Variants in LRRTM4 observed in about 807,000 individuals in gnomAD.
LRRTM4 encodes the protein leucine rich repeat transmembrane neuronal 4.
Under a neutral mutation model 47.6 loss-of-function variants are expected in LRRTM4, and 25 were observed. That is an observed-to-expected ratio of 0.53 (90% CI 0.38 to 0.73). LRRTM4 has a LOEUF of 0.73. Among genes scored for constraint, LRRTM4 ranks in the 30% least tolerant of loss-of-function variants. The pLI, the probability that LRRTM4 is intolerant of heterozygous loss-of-function variation, is 0.00. For synonymous variants in LRRTM4, 311 were observed against 269.5 expected (o/e 1.15, Z -1.51); for missense variants, 638 against 713.4 (o/e 0.89, Z 1.20).
chr2:76,808,685 A>T, intron 3 of LRRTM4, among the ~76,000 whole-genome samples: 1 of 152,152 alleles, frequency 6.6e-6, no homozygotes, highest in Non-Finnish European at 1.5e-5. Flanking sequence ...AATTCCTAGA[A>T]CTGGTGTAGG....
At chr2:77,488,584 T>C (rs777689625) in intron 3 of LRRTM4, among the ~76,000 whole-genome samples, 4 of 152,302 alleles carry the variant, frequency 2.6e-5, no homozygotes, top group Non-Finnish European at 5.9e-5. Context: ...GAAAGAGCAA[T>C]GTGTTGAGAC....
intron 3 of LRRTM4, among the ~76,000 whole-genome samples, chr2:77,183,130 TA>T (rs1673396313): frequency 6.6e-6 from 1 of 151,692 alleles, no homozygotes; most frequent in Non-Finnish European, 1.5e-5. Context: ...AAGAAACTAC[TA>T]TCAGAGTGAA....
In LRRTM4 at chr2:77,477,023, G is replaced by A. The variant is rs190655994; in HGVS notation, c.1551+41295C>T. On this transcript the variant is annotated intron_variant, in intron 3 of 3. Transcript: ENST00000409884. ...ATGTGTGTACTTTTATGCCATAAAT[G>A]TGAAAAGAATTGTTTACTGGGCTTT... Among the ~76,000 whole-genome samples, 24 of 151,274 alleles carry A rather than the reference G, an allele frequency of 1.6e-4. 1 individual carries two copies. The highest frequency in any genetic ancestry group is 5.3e-4 in the African/African-American group (22 of 41,270).
chr2:77,469,454 C>T (rs1286225626), intron 3 of LRRTM4, among the ~76,000 whole-genome samples: 2 of 152,038 alleles, frequency 1.3e-5, no homozygotes, highest in Non-Finnish European at 2.9e-5. Context: ...AAAATAAGCT[C>T]GCTGCTAACA....
At position 77,049,131 on chromosome 2, in the gene LRRTM4, T is replaced by TATATATAC. The variant is rs1553377431; in HGVS notation, c.1552-300216_1552-300215insGTATATAT. 2.8e-4 allele frequency among the ~76,000 whole-genome samples: 33 copies of TATATATAC among 118,412 alleles called. 1 individual carries two copies. In the Admixed American group the frequency reaches 2.9e-3, roughly 10 times the overall value. 77.7% of individuals were successfully genotyped at this position (118,412 alleles called of 152,430 possible). ...AATAATATTTCATTTTTTATATATA[T>TATATATAC]ATATATATATATATATATATATATA... On this transcript the variant is annotated intron_variant, in intron 3 of 3. Coordinates refer to ENST00000409884, the MANE Select transcript of LRRTM4 (RefSeq NM_001134745.3).
At chr2:76,955,684 G>A (rs956786217) in intron 3 of LRRTM4, among the ~76,000 whole-genome samples, 3 of 151,632 alleles carry the variant, frequency 2.0e-5, no homozygotes, top group Non-Finnish European at 2.9e-5. Flanking sequence ...TCTCTTGAAT[G>A]GAATTAATGA....
intron 3 of LRRTM4, among the ~76,000 whole-genome samples, chr2:77,398,961 G>A (rs1673824688): frequency 6.6e-6 from 1 of 151,726 alleles, no homozygotes; most frequent in Non-Finnish European, 1.5e-5. Context: ...GGGGAAGGTA[G>A]ATACTAATTG....
intron 3 of LRRTM4, among the ~76,000 whole-genome samples, chr2:77,157,026 T>C (rs1369778315): frequency 4.6e-5 from 7 of 152,158 alleles, no homozygotes; most frequent in Admixed American, 4.6e-4. Flanking sequence ...ATAACAATTG[T>C]TATTAAATAT....
At chr2:77,215,101 G>A (rs534248939) in intron 3 of LRRTM4, among the ~76,000 whole-genome samples, 55 of 152,192 alleles carry the variant, frequency 3.6e-4, no homozygotes, top group African/African-American at 1.3e-3. Context: ...TTACTTTGAT[G>A]ATCAATTAAG....
intron 3 of LRRTM4, among the ~76,000 whole-genome samples, chr2:77,330,827 T>G (rs185139799): frequency 6.6e-6 from 1 of 152,316 alleles, no homozygotes; most frequent in East Asian, 1.9e-4. Context: ...TTTCATGTAT[T>G]TAATTCTCCT....
At chr2:76,846,295 C>T (rs1036563170) in intron 3 of LRRTM4, among the ~76,000 whole-genome samples, 1 of 152,168 alleles carries the variant, frequency 6.6e-6, no homozygotes, top group Non-Finnish European at 1.5e-5. Context: ...CTGAGAATAA[C>T]CGCCTTAGAA....
chr2:77,445,464 C>T (rs1676015467), intron 3 of LRRTM4, among the ~76,000 whole-genome samples: 1 of 151,820 alleles, frequency 6.6e-6, no homozygotes. Flanking sequence ...CTCTTTTGCT[C>T]GCCTATCTTT....
intron 3 of LRRTM4, among the ~76,000 whole-genome samples, chr2:77,141,578 A>G (rs1218913516): frequency 6.6e-6 from 1 of 152,180 alleles, no homozygotes; most frequent in Non-Finnish European, 1.5e-5. Context: ...TATGTAACAA[A>G]CCTGCACGTT....
chr2:77,410,035 A>G (rs994880593), intron 3 of LRRTM4, among the ~76,000 whole-genome samples: 7 of 152,206 alleles, frequency 4.6e-5, no homozygotes, highest in African/African-American at 1.7e-4. Context: ...TTCTGGAAGG[A>G]TGACTTTTCT....
chr2:77,066,227 T>G (rs919486524), intron 3 of LRRTM4, among the ~76,000 whole-genome samples: 6 of 151,542 alleles, frequency 4.0e-5, no homozygotes, highest in African/African-American at 1.4e-4. Context: ...ACCTTCAATA[T>G]AGTACGTAGG....
chr2:77,289,238 C>A (rs1017927035), intron 3 of LRRTM4, among the ~76,000 whole-genome samples: 19 of 151,480 alleles, frequency 1.3e-4, no homozygotes, highest in Non-Finnish European at 2.7e-4. Flanking sequence ...TTTTTTGTTA[C>A]AACAATATGT....
At chr2:77,298,335 C>T (rs1208269861) in intron 3 of LRRTM4, among the ~76,000 whole-genome samples, 1 of 152,150 alleles carries the variant, frequency 6.6e-6, no homozygotes, top group African/African-American at 2.4e-5. Context: ...CTCCCGGGTT[C>T]ACGCCATTCT....
At chr2:77,423,336 A>G (rs764931822) in intron 3 of LRRTM4, among the ~76,000 whole-genome samples, 6 of 131,516 alleles carry the variant, frequency 4.6e-5, no homozygotes, top group Non-Finnish European at 6.8e-5. Context: ...TAATTCCCAA[A>G]ATTTAAATAA....
At chr2:76,836,222 G>C (rs959571646) in intron 3 of LRRTM4, among the ~76,000 whole-genome samples, 1 of 150,638 alleles carries the variant, frequency 6.6e-6, no homozygotes, top group Non-Finnish European at 1.5e-5. Context: ...TTTGTCAGTA[G>C]AATATTAGTA....
Sources: gnomAD v4.1 joint callset for allele counts (sites outside exome capture counted in the v4.1 genomes callset) on GRCh38, gnomAD v4.1.1 for gene constraint, MANE v1.5 for transcripts, NCBI Gene and HGNC (gene_info 2026-07-23, HGNC 2026-07-21) for gene names.